Variants in PTPRT observed in about 807,000 individuals in gnomAD.
PTPRT encodes the protein receptor-type tyrosine-protein phosphatase T.
A neutral mutation model predicts 176.8 loss-of-function variants in PTPRT; 56 were observed. That is an observed-to-expected ratio of 0.32 (90% confidence interval 0.26 to 0.40). The LOEUF (loss-of-function observed/expected upper bound fraction) is 0.40, where lower values mean the gene tolerates loss of function less well. PTPRT is among the 10% of genes least tolerant of loss of function. The pLI is 1.00. For missense variants in PTPRT, 1,540 were observed against 1,908.2 expected (o/e 0.81, Z 3.60); for synonymous variants, 783 against 739.0 (o/e 1.06, Z -0.96).
At chr20:42,045,755 G>C in the PTPRT span, among the ~76,000 whole-genome samples, 1 of 152,060 alleles carries the variant, frequency 6.6e-6, no homozygotes, top group Admixed American at 6.6e-5. Flanking sequence ...GTAAAGCCAG[G>C]ATTCATACCT....
Position 42,925,748 on chromosome 20 carries a change from T to C in PTPRT, c.89-39816A>G, listed in dbSNP as rs1979443487. Among the ~76,000 whole-genome samples, 3 of 152,196 alleles carry C rather than the reference T, an allele frequency of 2.0e-5. 1 individual carries two copies. In the South Asian group the frequency reaches 6.2e-4, roughly 32 times the overall value. The stretch of plus-strand genomic sequence containing the variant: ...CCGGGGAGGGGCCTGAGAATCTGCA[T>C]GTCTAGCAAGTTTCCAGGTGAGGCA... On this transcript the variant is annotated intron_variant, in intron 1 of 30. Coordinates refer to ENST00000373187, the MANE Select transcript of PTPRT (RefSeq NM_007050.6).
At chr20:42,722,950 A>G (rs1473700522) in intron 6 of PTPRT, among the ~76,000 whole-genome samples, 2 of 152,162 alleles carry the variant, frequency 1.3e-5, no homozygotes, top group East Asian at 3.9e-4. Flanking sequence ...AGTGGATGGA[A>G]AGCATGCCTG....
chr20:43,038,480 G>A (rs1476502207), intron 1 of PTPRT, among the ~76,000 whole-genome samples: 5 of 152,058 alleles, frequency 3.3e-5, no homozygotes, highest in Admixed American at 2.0e-4. Context: ...TCCTCAAAAT[G>A]ATTAAGAATA....
chr20:42,104,706 A>G lies in PTPRT; in HGVS notation c.3403T>C (p.Phe1135Leu). 1 of 1,582,790 alleles carries G rather than the reference A, an allele frequency of 6.3e-7. No homozygotes were observed. The highest frequency in any genetic ancestry group is 8.7e-7 in the Non-Finnish European group (1 of 1,151,372). Reference sequence around the variant, plus strand: ...GCTTCCAGGATGGCATCGTGCACAAACACATATTGCTCCTGCAAAGTCAGA... The same window carrying G: ...GCTTCCAGGATGGCATCGTGCACAAGCACATATTGCTCCTGCAAAGTCAGA... ...NLVQTEEQYVFVHDAILEACL... is the reference protein window; with the variant it reads ...NLVQTEEQYVLVHDAILEACL... Residue 1135 changes from phenylalanine (F) to leucine (L), a missense_variant, in exon 25 of 31, where the codon TTT becomes CTT. Phe to Leu is a conservative substitution (Grantham distance 22, BLOSUM62 0). Coordinates refer to ENST00000373187, the MANE Select transcript of PTPRT (RefSeq NM_007050.6).
At chr20:42,806,036 T>C (rs1464508360) in intron 2 of PTPRT, among the ~76,000 whole-genome samples, 1 of 151,450 alleles carries the variant, frequency 6.6e-6, no homozygotes, top group Non-Finnish European at 1.5e-5. Context: ...TACAGCCTTG[T>C]TCTTAGGAGC....
At chr20:42,168,600 G>GATAT (rs1989935743) in intron 16 of PTPRT, among the ~76,000 whole-genome samples, 1 of 152,158 alleles carries the variant, frequency 6.6e-6, no homozygotes, top group African/African-American at 2.4e-5. Flanking sequence ...TGTGCAGGAA[G>GATAT]ATATATATTT....
intron 7 of PTPRT, among the ~76,000 whole-genome samples, chr20:42,548,874 T>C (rs1323804201): frequency 6.6e-6 from 1 of 152,084 alleles, no homozygotes; most frequent in Non-Finnish European, 1.5e-5. Flanking sequence ...CTCCAACTCA[T>C]TAGTTATCAG....
At chr20:42,792,033 C>G (rs988849891) in intron 2 of PTPRT, among the ~76,000 whole-genome samples, 1 of 152,180 alleles carries the variant, frequency 6.6e-6, no homozygotes, top group Non-Finnish European at 1.5e-5. Flanking sequence ...AATGTGCTTG[C>G]CTTGCTGGGC....
the PTPRT span, among the ~76,000 whole-genome samples, chr20:42,052,164 A>T: frequency 1.3e-5 from 2 of 152,208 alleles, no homozygotes; most frequent in Admixed American, 1.3e-4. Context: ...CAGGCCTGGC[A>T]ATGGGAGCAC....
intron 1 of PTPRT, among the ~76,000 whole-genome samples, chr20:43,089,587 G>A (rs2011740944): frequency 6.6e-6 from 1 of 152,220 alleles, no homozygotes; most frequent in African/African-American, 2.4e-5. Context: ...CAGAAGCCAG[G>A]TGAGGTGGTG....
chr20:42,942,689 A>G (rs1286530998), intron 1 of PTPRT, among the ~76,000 whole-genome samples: 7 of 152,180 alleles, frequency 4.6e-5, no homozygotes, highest in Non-Finnish European at 8.8e-5. Flanking sequence ...TTCAAACCCT[A>G]TCTTCACTAA....
intron 11 of PTPRT, among the ~76,000 whole-genome samples, chr20:42,318,257 T>C (rs2145386838): frequency 6.6e-6 from 1 of 152,320 alleles, no homozygotes; most frequent in Non-Finnish European, 1.5e-5. Flanking sequence ...AATTCCTATG[T>C]TTATCAGGAC....
At chr20:42,489,365 C>A in intron 7 of PTPRT, among the ~76,000 whole-genome samples, 1 of 151,990 alleles carries the variant, frequency 6.6e-6, no homozygotes, top group African/African-American at 2.4e-5. Flanking sequence ...TGTTTTAAAG[C>A]CCAAGTGTAA....
intron 7 of PTPRT, among the ~76,000 whole-genome samples, chr20:42,662,854 A>C (rs1026208328): frequency 1.3e-5 from 2 of 152,196 alleles, no homozygotes; most frequent in Admixed American, 1.3e-4. Context: ...ACCCTCATAT[A>C]GAGTGTTTTA....
chr20:42,645,065 A>G (rs1280257263), intron 7 of PTPRT, among the ~76,000 whole-genome samples: 1 of 152,072 alleles, frequency 6.6e-6, no homozygotes, highest in African/African-American at 2.4e-5. Flanking sequence ...TCACAGTGCA[A>G]TTTGTCACGC....
intron 1 of PTPRT, among the ~76,000 whole-genome samples, chr20:43,114,897 T>C (rs1296205190): frequency 6.6e-6 from 1 of 152,182 alleles, no homozygotes; most frequent in Non-Finnish European, 1.5e-5. Context: ...TAAGGGAGTA[T>C]GTTCTGAAAA....
chr20:42,128,291 T>C (rs754976019), intron 19 of PTPRT, among the ~76,000 whole-genome samples: 9 of 152,230 alleles, frequency 5.9e-5, no homozygotes, highest in Non-Finnish European at 2.9e-5. Flanking sequence ...ATCTGTACTT[T>C]TGACACTTAA....
chr20:42,978,798 G>A (rs562841809), intron 1 of PTPRT, among the ~76,000 whole-genome samples: 5 of 152,298 alleles, frequency 3.3e-5, no homozygotes, highest in African/African-American at 1.2e-4. Context: ...GAATGCCATG[G>A]CAACGTCAGG....
At chr20:42,959,497 T>C (rs1337804619) in intron 1 of PTPRT, among the ~76,000 whole-genome samples, 1 of 152,126 alleles carries the variant, frequency 6.6e-6, no homozygotes, top group Non-Finnish European at 1.5e-5. Flanking sequence ...AGAAAAGCCC[T>C]TGAAAGTAGG....
Sources: gnomAD v4.1 joint callset for allele counts (sites outside exome capture counted in the v4.1 genomes callset) on GRCh38, gnomAD v4.1.1 for gene constraint, MANE v1.5 for transcripts, NCBI Gene and HGNC (gene_info 2026-07-23, HGNC 2026-07-21) for gene names.